The following STK33 variants were observed in gnomAD, a reference collection of about 807,000 sequenced individuals.
STK33 encodes the protein serine/threonine-protein kinase 33.
STK33 carries 52 observed loss-of-function variants against 58.0 expected under a neutral mutation model. The observed-to-expected ratio is 0.90, with a 90% CI of 0.72 to 1.13. The LOEUF (loss-of-function observed/expected upper bound fraction) is 1.13. STK33 is among the 50% of genes most tolerant of loss of function. STK33 has a pLI of 0.00. For synonymous variants in STK33, 215 were observed against 200.1 expected (o/e 1.07, Z -0.63); for missense variants, 630 against 604.2 (o/e 1.04, Z -0.45).
intron 1 of STK33, among the ~76,000 whole-genome samples, chr11:8,575,000 G>A (rs1423346306): frequency 6.6e-6 from 1 of 152,048 alleles, no homozygotes; most frequent in African/African-American, 2.4e-5. Context: ...AACTATAATT[G>A]CGCAACTGCA....
In STK33 at chr11:8,397,985, T is replaced by C. The variant is rs185783458; in HGVS notation, c.1345-5275A>G. Among the ~76,000 whole-genome samples the C allele has an allele frequency of 2.6e-3, 393 of 152,310 alleles. 1 individual carries two copies. The highest frequency in any genetic ancestry group is 9.0e-3 in the African/African-American group (374 of 41,566). On this transcript the variant is annotated intron_variant, in intron 15 of 15. Coordinates refer to ENST00000687296, the MANE Select transcript of STK33 (RefSeq NM_001352389.2). ...GTGAAAAGACCAAGTCTACGTCTGA[T>C]TGGTGCACCTGAAAGTGATGGGGAG...
rs766541743 is a variant in STK33 at position 8,392,577 on chromosome 11, CTTGGAGTCACAG to C, written c.1466_1477del (p.Pro489_Ser493delinsArg). On this transcript the variant is annotated inframe_deletion, in exon 16 of 16. Transcript: ENST00000687296. ...AGGGTACTTGGTTGCTGTTCCTTGG[CTTGGAGTCACAG>C]GGGTTTTCTCCATTTCTCCCTTGAT... 1.9e-6 allele frequency: 3 copies of C among 1,614,222 alleles called. No individual in the cohort carries two copies. In the South Asian group the frequency reaches 3.3e-5, roughly 18 times the overall value.
chr11:8,482,982 C>T (rs975323096), intron 1 of STK33, among the ~76,000 whole-genome samples: 1 of 152,036 alleles, frequency 6.6e-6, no homozygotes, highest in Non-Finnish European at 1.5e-5. Flanking sequence ...CTGCCTGCCT[C>T]GGCCTCCCAA....
At chr11:8,388,338 G>T (rs1336747227), downstream of STK33, among the ~76,000 whole-genome samples, 2 of 152,224 alleles carry the variant, frequency 1.3e-5, no homozygotes, top group Non-Finnish European at 2.9e-5. Context: ...ATTATAGCAG[G>T]GACTGAAGAA....
intron 6 of STK33, among the ~76,000 whole-genome samples, chr11:8,471,068 T>C (rs1312766763): frequency 1.3e-5 from 2 of 152,206 alleles, no homozygotes; most frequent in Non-Finnish European, 2.9e-5. Flanking sequence ...AAGCATGATA[T>C]GATGAAGTAT....
At chr11:8,570,851 T>C (rs889059326) in intron 1 of STK33, among the ~76,000 whole-genome samples, 1 of 152,162 alleles carries the variant, frequency 6.6e-6, no homozygotes, top group Admixed American at 6.6e-5. Flanking sequence ...GCATAGGTAG[T>C]TTATTGCATG....
At chr11:8,436,783 C>T (rs145002723) in intron 12 of STK33, among the ~76,000 whole-genome samples, 15 of 152,240 alleles carry the variant, frequency 9.9e-5, no homozygotes, top group African/African-American at 3.4e-4. Flanking sequence ...CTGCAACCTC[C>T]GCCTCCTGGA....
chr11:8,560,962 G>T (rs968546892), intron 1 of STK33, among the ~76,000 whole-genome samples: 1 of 152,114 alleles, frequency 6.6e-6, no homozygotes, highest in African/African-American at 2.4e-5. Context: ...GAAGATAAAT[G>T]GGAGTTCAAA....
intron 1 of STK33, among the ~76,000 whole-genome samples, chr11:8,531,825 T>C (rs1175070332): frequency 6.6e-6 from 1 of 152,132 alleles, no homozygotes; most frequent in Non-Finnish European, 1.5e-5. Context: ...ATGTCAAAAA[T>C]TTTGCAGAAA....
At chr11:8,474,016 T>C (rs892275682) in intron 5 of STK33, among the ~76,000 whole-genome samples, 8 of 152,078 alleles carry the variant, frequency 5.3e-5, no homozygotes, top group African/African-American at 1.7e-4. Context: ...CTACTAAAAA[T>C]ACAAAAAAAT....
chr11:8,394,401 A>T (rs1849001579), intron 15 of STK33, among the ~76,000 whole-genome samples: 2 of 152,218 alleles, frequency 1.3e-5, no homozygotes, highest in South Asian at 4.1e-4. Context: ...GTCTTTTGAC[A>T]TTTCTACTTG....
chr11:8,481,159 C>T (rs1949762372), intron 1 of STK33, among the ~76,000 whole-genome samples: 2 of 152,062 alleles, frequency 1.3e-5, no homozygotes, highest in African/African-American at 4.8e-5. Flanking sequence ...CACTCTGATC[C>T]TCAAGATCAC....
At chr11:8,378,262 T>G in the STK33 span, among the ~76,000 whole-genome samples, 1 of 152,238 alleles carries the variant, frequency 6.6e-6, no homozygotes, top group Admixed American at 6.5e-5. Context: ...TTCAAGCCTG[T>G]AATCCCAGCA....
At chr11:8,544,351 TTA>T (rs1006591788) in intron 1 of STK33, among the ~76,000 whole-genome samples, 31 of 147,720 alleles carry the variant, frequency 2.1e-4, no homozygotes, top group South Asian at 6.3e-4. Flanking sequence ...ATATATATAA[TTA>T]TATATATGTA....
chr11:8,381,262 TAAAAA>T, the STK33 span, among the ~76,000 whole-genome samples: 1 of 151,992 alleles, frequency 6.6e-6, no homozygotes, highest in Non-Finnish European at 1.5e-5. Flanking sequence ...GCTATTAAAA[TAAAAA>T]AAATTAAGAA....
At chr11:8,341,054 C>T in the STK33 span, among the ~76,000 whole-genome samples, 1 of 152,176 alleles carries the variant, frequency 6.6e-6, no homozygotes, top group African/African-American at 2.4e-5. Flanking sequence ...GACGGGGTTT[C>T]ATCATGTTGG....
At chr11:8,354,487 C>CACAT in the STK33 span, among the ~76,000 whole-genome samples, 3 of 134,806 alleles carry the variant, frequency 2.2e-5, no homozygotes, top group Admixed American at 1.4e-4. Flanking sequence ...CACACACACA[C>CACAT]ACACACACAC....
intron 1 of STK33, 52 bp downstream of exon 1, chr11:8,594,031 C>G (rs1342832650): frequency 6.6e-6 from 1 of 152,286 alleles, no homozygotes. Flanking sequence ...CCCGGGCCGC[C>G]CGCCCCATCC....
intron 1 of STK33, among the ~76,000 whole-genome samples, chr11:8,498,786 A>G (rs1951267384): frequency 6.6e-6 from 1 of 152,172 alleles, no homozygotes; most frequent in Admixed American, 6.5e-5. Context: ...CCACACATCT[A>G]CAATCATCTG....
Sources: allele counts gnomAD v4.1 joint callset (sites outside exome capture counted in the v4.1 genomes callset), GRCh38; gene constraint gnomAD v4.1.1; transcripts MANE v1.5; gene names NCBI Gene and HGNC (gene_info 2026-07-23, HGNC 2026-07-21).